Variants in DPP6 observed in about 807,000 individuals in gnomAD.
DPP6 encodes dipeptidyl peptidase like 6.
DPP6 carries 69 observed loss-of-function variants against 122.6 expected under a neutral mutation model. The ratio of observed to expected loss-of-function variants is 0.56; its 90% CI spans 0.46 to 0.69. The LOEUF is 0.69. Ranked by LOEUF, DPP6 falls within the 30% of genes least tolerant of loss-of-function variation. DPP6 has a pLI of 0.00. For missense variants in DPP6, 928 were observed against 1,116.9 expected, an observed-to-expected ratio of 0.83 and a Z score of 2.41; for synonymous variants, 418 against 433.1, an observed-to-expected ratio of 0.97 and a Z score of 0.43.
chr7:154,669,843 G>GTT (rs60268123), intron 7 of DPP6, among the ~76,000 whole-genome samples: 440 of 150,314 alleles, frequency 2.9e-3, no homozygotes, highest in African/African-American at 6.3e-3. Context: ...CCTGTGGAGG[G>GTT]TTTTTTTTTG....
intron 1 of DPP6, among the ~76,000 whole-genome samples, chr7:153,918,333 CT>C (rs1800416228): frequency 6.6e-6 from 1 of 151,762 alleles, no homozygotes; most frequent in Non-Finnish European, 1.5e-5. Flanking sequence ...GTTTATAGAC[CT>C]TTTTCAGTTG....
chr7:154,829,515 A>C (rs1434598160), intron 16 of DPP6, among the ~76,000 whole-genome samples: 10 of 137,406 alleles, frequency 7.3e-5, no homozygotes. Context: ...AAGGAAGGAA[A>C]ATGGAGAGAG....
intron 1 of DPP6, among the ~76,000 whole-genome samples, chr7:153,977,105 CT>C (rs1407433572): frequency 6.6e-6 from 1 of 152,114 alleles, no homozygotes; most frequent in Non-Finnish European, 1.5e-5. Flanking sequence ...TTCATGTTTT[CT>C]TTCTTTTTTT....
the DPP6 span, among the ~76,000 whole-genome samples, chr7:153,801,142 C>A: frequency 1.3e-5 from 2 of 149,626 alleles, no homozygotes; most frequent in Admixed American, 6.7e-5. Context: ...GCCCTGTGTG[C>A]GCTTATCTAA....
intron 5 of DPP6, among the ~76,000 whole-genome samples, chr7:154,577,950 G>A (rs1464990500): frequency 2.0e-5 from 3 of 152,096 alleles, no homozygotes; most frequent in South Asian, 2.1e-4. Context: ...TTTAAACTAC[G>A]ACAAACTGTA....
At chr7:153,954,268 T>C (rs1802354556) in intron 1 of DPP6, among the ~76,000 whole-genome samples, 1 of 152,228 alleles carries the variant, frequency 6.6e-6, no homozygotes, top group African/African-American at 2.4e-5. Context: ...AAATATACAT[T>C]AGTTGAATAG....
intron 1 of DPP6, among the ~76,000 whole-genome samples, chr7:153,921,804 C>T (rs1800650535): frequency 6.6e-6 from 1 of 152,230 alleles, no homozygotes; most frequent in Middle Eastern, 3.2e-3. Flanking sequence ...TTACCTTCCG[C>T]TGTTTCTTCT....
intron 6 of DPP6, among the ~76,000 whole-genome samples, chr7:154,651,572 GC>G (rs1213662535): frequency 6.6e-6 from 1 of 152,094 alleles, no homozygotes; most frequent in East Asian, 1.9e-4. Flanking sequence ...CCTTTGCAGT[GC>G]CGCGGGGCCC....
At chr7:154,186,081 T>G (rs1273952428) in intron 1 of DPP6, among the ~76,000 whole-genome samples, 1 of 152,254 alleles carries the variant, frequency 6.6e-6, no homozygotes, top group Non-Finnish European at 1.5e-5. Context: ...AGTTGCTTAG[T>G]GCCCTGTATT....
At chr7:154,496,936 A>G (rs948527918) in intron 3 of DPP6, among the ~76,000 whole-genome samples, 7 of 152,168 alleles carry the variant, frequency 4.6e-5, no homozygotes, top group Admixed American at 3.9e-4. Flanking sequence ...ATTTACTCCC[A>G]TCTTTAAGGA....
chr7:154,738,842 G>T (rs1781569911), intron 8 of DPP6, among the ~76,000 whole-genome samples: 1 of 152,248 alleles, frequency 6.6e-6, no homozygotes, highest in Admixed American at 6.5e-5. Flanking sequence ...CTAGCAGGAA[G>T]ATGTGCTGGT....
rs117693218 is a variant in DPP6, at chr7:154,554,102, C to T, written c.553-12740C>T. Among the ~76,000 whole-genome samples, 904 of 152,140 alleles carry T rather than the reference C, an allele frequency of 5.9e-3. 5 individuals carry two copies. Among genetic ancestry groups the T allele is most frequent in the Non-Finnish European group, 8.3e-3 (562 of 67,982 alleles). The stretch of plus-strand genomic sequence containing the variant: ...TAAATGCAGTGCTGGGAGCAGCACC[C>T]GAGTCTGTCTGATTCAAAATTAAAT... On this transcript the variant is annotated intron_variant, in intron 4 of 25. Coordinates refer to ENST00000377770, the MANE Select transcript of DPP6 (RefSeq NM_130797.4).
At chr7:154,196,040 C>G (rs1274092697) in intron 1 of DPP6, among the ~76,000 whole-genome samples, 1 of 152,216 alleles carries the variant, frequency 6.6e-6, no homozygotes. Flanking sequence ...GCCACCAGAT[C>G]AGTTTCTGTC....
chr7:154,825,136 T>C (rs1473691842), intron 16 of DPP6, among the ~76,000 whole-genome samples: 1 of 152,338 alleles, frequency 6.6e-6, no homozygotes, highest in South Asian at 2.1e-4. Flanking sequence ...TGAATCAATA[T>C]ACCAGATGGC....
intron 2 of DPP6, among the ~76,000 whole-genome samples, chr7:154,447,934 T>C (rs1820026564): frequency 6.6e-6 from 1 of 152,184 alleles, no homozygotes. Flanking sequence ...ACTTGACAAG[T>C]ATCTGTGAAA....
At chr7:154,668,759 G>A (rs749409295) in intron 6 of DPP6, among the ~76,000 whole-genome samples, 5 of 151,980 alleles carry the variant, frequency 3.3e-5, no homozygotes, top group Non-Finnish European at 5.9e-5. Context: ...TAACCTTTAA[G>A]TACTTAGAGA....
intron 1 of DPP6, among the ~76,000 whole-genome samples, chr7:154,221,577 C>G (rs1800309035): frequency 1.3e-5 from 2 of 152,206 alleles, no homozygotes; most frequent in Admixed American, 1.3e-4. Flanking sequence ...TAAGTGCAGC[C>G]TATTCATTGG....
chr7:154,723,590 C>T (rs1841928216), intron 7 of DPP6, among the ~76,000 whole-genome samples: 1 of 152,186 alleles, frequency 6.6e-6, no homozygotes, highest in African/African-American at 2.4e-5. Context: ...TCATTTCTGG[C>T]TGAAGTGAAT....
chr7:154,208,205 A>G (rs116378316), intron 1 of DPP6, among the ~76,000 whole-genome samples: 2,327 of 152,332 alleles, frequency 0.015, 48 homozygotes, highest in African/African-American at 0.053. Flanking sequence ...TCTGGACCCC[A>G]TAATATCAAA....
Sources: allele counts gnomAD v4.1 joint callset (sites outside exome capture counted in the v4.1 genomes callset), GRCh38; gene constraint gnomAD v4.1.1; transcripts MANE v1.5; gene names NCBI Gene and HGNC (gene_info 2026-07-23, HGNC 2026-07-21).